The following CHCHD6 variants were observed in gnomAD, a reference collection of about 807,000 sequenced individuals.
The protein encoded by CHCHD6 is MICOS complex subunit MIC25.
Under a neutral mutation model 32.3 loss-of-function variants are expected in CHCHD6, and 28 were observed. That is an observed-to-expected ratio of 0.87 (90% CI 0.64 to 1.19). The LOEUF (loss-of-function observed/expected upper bound fraction) is 1.19. Among genes scored for constraint, CHCHD6 ranks in the 50% most tolerant of loss-of-function variants. CHCHD6 has a pLI of 0.00. For synonymous variants in CHCHD6, 122 were observed against 117.5 expected (o/e 1.04, Z -0.25); for missense variants, 333 against 307.0 (o/e 1.08, Z -0.63).
intron 1 of CHCHD6, among the ~76,000 whole-genome samples, chr3:126,723,599 C>T (rs570814871): frequency 3.8e-4 from 58 of 152,226 alleles, no homozygotes; most frequent in African/African-American, 1.4e-3. Context: ...ATGTGTTTTC[C>T]GTGACAGTGT....
chr3:126,956,600 C>CAA (rs2078787523), intron 6 of CHCHD6, among the ~76,000 whole-genome samples: 1 of 149,660 alleles, frequency 6.7e-6, no homozygotes, highest in South Asian at 2.1e-4. Context: ...AGTGTGCGCA[C>CAA]GAGAGAGAGA....
At chr3:126,706,647 GTCCT>G (rs1261770774) in intron 1 of CHCHD6, among the ~76,000 whole-genome samples, 6 of 152,086 alleles carry the variant, frequency 3.9e-5, no homozygotes, top group African/African-American at 7.2e-5. Context: ...TGAGAGCCAC[GTCCT>G]TCCTTCTGCT....
At chr3:126,718,181 G>A (rs1935111961) in intron 1 of CHCHD6, among the ~76,000 whole-genome samples, 1 of 152,210 alleles carries the variant, frequency 6.6e-6, no homozygotes, top group Non-Finnish European at 1.5e-5. Context: ...AAAGCTACAT[G>A]GAGAGCACTT....
intron 4 of CHCHD6, among the ~76,000 whole-genome samples, chr3:126,779,323 G>A (rs1190093958): frequency 1.3e-5 from 2 of 151,924 alleles, no homozygotes; most frequent in African/African-American, 2.4e-5. Flanking sequence ...TGGATCACGA[G>A]GTCAGGAGTT....
rs547879077 is a variant in CHCHD6 at position 126,737,397 on chromosome 3, TATA to T, written c.411+4176_411+4178del. Among the ~76,000 whole-genome samples, 398 of 140,490 alleles carry T rather than the reference TATA, an allele frequency of 2.8e-3. 3 individuals carry two copies. The highest frequency in any genetic ancestry group is 0.011 in the African/African-American group (379 of 35,670). 92.2% of individuals were successfully genotyped at this position (140,490 alleles called of 152,430 possible). The stretch of plus-strand genomic sequence containing the variant: ...TTATTTTATGATGTGTGAGTATATA[TATA>T]TATATATATATATATATATGCACAC... On this transcript the variant is annotated intron_variant, in intron 4 of 7. Transcript: ENST00000290913.
chr3:126,780,910 T>C (rs552652542), intron 4 of CHCHD6, among the ~76,000 whole-genome samples: 36 of 152,296 alleles, frequency 2.4e-4, no homozygotes, highest in Admixed American at 2.0e-3. Context: ...TCCCCACAGT[T>C]CTGTGGCCTT....
intron 6 of CHCHD6, chr3:126,949,582 GCC>G: frequency 1.2e-5 from 2 of 169,114 alleles, no homozygotes; most frequent in Admixed American, 1.4e-4. Flanking sequence ...GAAGGCTGCT[GCC>G]CGGACTGCCG....
At chr3:126,726,332 G>A (rs755461500) in intron 1 of CHCHD6, among the ~76,000 whole-genome samples, 8 of 152,134 alleles carry the variant, frequency 5.3e-5, no homozygotes, top group Non-Finnish European at 8.8e-5. Flanking sequence ...GGTTAAGTTC[G>A]CCGTCTTACA....
At chr3:126,844,571 T>G (rs1252222333) in intron 4 of CHCHD6, among the ~76,000 whole-genome samples, 2 of 152,212 alleles carry the variant, frequency 1.3e-5, no homozygotes, top group Non-Finnish European at 2.9e-5. Context: ...CTTTTTCCTT[T>G]TTTCCCCAAA....
chr3:126,824,352 G>A (rs1218970983), intron 4 of CHCHD6, among the ~76,000 whole-genome samples: 11 of 151,122 alleles, frequency 7.3e-5, no homozygotes, highest in African/African-American at 2.2e-4. Context: ...ACCTGAAGTC[G>A]GGAGTTCGAG....
chr3:126,730,482 A>G, intron 2 of CHCHD6, 79 bp from the exon 3 acceptor site: 1 of 1,196,986 alleles, frequency 8.4e-7, no homozygotes, highest in Non-Finnish European at 1.2e-6. Context: ...CATGGGGGTC[A>G]TTCCTCTCTG....
chr3:126,899,528 T>TA (rs2077891510), intron 5 of CHCHD6, among the ~76,000 whole-genome samples: 2 of 152,226 alleles, frequency 1.3e-5, no homozygotes, highest in South Asian at 4.1e-4. Flanking sequence ...ATGCCAATTC[T>TA]AATGTGTTCT....
intron 4 of CHCHD6, among the ~76,000 whole-genome samples, chr3:126,768,900 T>C (rs1937484519): frequency 1.3e-5 from 2 of 152,220 alleles, no homozygotes; most frequent in African/African-American, 4.8e-5. Context: ...TTTTTGCTTA[T>C]TAATTTGCTT....
chr3:126,787,139 G>A (rs1163663856), intron 4 of CHCHD6, among the ~76,000 whole-genome samples: 1 of 152,082 alleles, frequency 6.6e-6, no homozygotes, highest in Admixed American at 6.6e-5. Context: ...AGTTGTAGAT[G>A]TGTGGTATTA....
intron 5 of CHCHD6, among the ~76,000 whole-genome samples, chr3:126,908,199 CTGTT>C (rs2078033105): frequency 6.6e-6 from 1 of 151,222 alleles, no homozygotes; most frequent in African/African-American, 2.4e-5. Flanking sequence ...CAGTCAGTGA[CTGTT>C]TGGCTCCTGC....
At chr3:126,764,200 C>CATATATATATATATATATATATAT (rs143293559) in intron 4 of CHCHD6, among the ~76,000 whole-genome samples, 1 of 139,816 alleles carries the variant, frequency 7.2e-6, no homozygotes, top group Non-Finnish European at 1.6e-5. Flanking sequence ...TACATACATG[C>CATATATATATATATATATATATAT]ATATATATAT....
intron 3 of CHCHD6, 73 bp from the exon 4 acceptor site, chr3:126,733,005 C>T: frequency 6.5e-7 from 1 of 1,539,894 alleles, no homozygotes; most frequent in Non-Finnish European, 8.9e-7. Context: ...AGTGAGTGCG[C>T]AGATCTTGTC....
chr3:126,832,055 T>G (rs1294683758), intron 4 of CHCHD6, among the ~76,000 whole-genome samples: 1 of 152,168 alleles, frequency 6.6e-6, no homozygotes, highest in African/African-American at 2.4e-5. Context: ...GACTTAACAA[T>G]TATTCAGCTC....
chr3:126,797,902 C>T (rs1044406560), intron 4 of CHCHD6, among the ~76,000 whole-genome samples: 2 of 152,184 alleles, frequency 1.3e-5, no homozygotes, highest in South Asian at 2.1e-4. Flanking sequence ...CAGGGCGCCT[C>T]CGTGCCAGTG....
Sources: allele counts gnomAD v4.1 joint callset (sites outside exome capture counted in the v4.1 genomes callset), GRCh38; gene constraint gnomAD v4.1.1; transcripts MANE v1.5; gene names NCBI Gene and HGNC (gene_info 2026-07-23, HGNC 2026-07-21).